The following ADGRL2 variants were observed in gnomAD, a reference collection of about 807,000 sequenced individuals.
ADGRL2 encodes calcium-independent alpha-latrotoxin receptor 2.
Under a neutral mutation model 157.4 loss-of-function variants are expected in ADGRL2, and 44 were observed. The observed-to-expected ratio is 0.28, with a 90% CI of 0.22 to 0.36. The LOEUF is 0.36. Among genes scored for constraint, ADGRL2 ranks in the 10% least tolerant of loss-of-function variants. The pLI is 1.00. For missense variants in ADGRL2, 1,510 were observed against 1,768.9 expected (o/e 0.85, Z 2.63); for synonymous variants, 585 against 624.7 (o/e 0.94, Z 0.95).
chr1:81,611,715 T>C (rs573895132), intron 3 of ADGRL2, among the ~76,000 whole-genome samples: 2 of 152,270 alleles, frequency 1.3e-5, no homozygotes, highest in African/African-American at 4.8e-5. Flanking sequence ...CCTGGGGGGC[T>C]TTAATAAAAC....
chr1:81,719,027 A>AT (rs2084209915), intron 1 of ADGRL2, among the ~76,000 whole-genome samples: 1 of 152,186 alleles, frequency 6.6e-6, no homozygotes, highest in South Asian at 2.1e-4. Context: ...AGGATTTCAG[A>AT]TTTTTTATTA....
chr1:81,568,739 A>G (rs1040323469), intron 2 of ADGRL2, among the ~76,000 whole-genome samples: 32 of 152,122 alleles, frequency 2.1e-4, no homozygotes, highest in African/African-American at 6.8e-4. Context: ...TATTTTTACC[A>G]AAAAAATGAT....
intron 1 of ADGRL2, among the ~76,000 whole-genome samples, chr1:81,808,719 C>G (rs1430164685): frequency 6.6e-6 from 1 of 152,094 alleles, no homozygotes; most frequent in Non-Finnish European, 1.5e-5. Context: ...ATTCTTACTA[C>G]TGATTCTAGA....
intron 1 of ADGRL2, among the ~76,000 whole-genome samples, chr1:81,359,305 AG>A (rs1204097410): frequency 2.0e-5 from 3 of 152,120 alleles, no homozygotes; most frequent in Non-Finnish European, 4.4e-5. Context: ...ATTCTGCTAC[AG>A]GGTCAACTGG....
At chr1:81,683,819 C>T (rs910243704) in intron 3 of ADGRL2, among the ~76,000 whole-genome samples, 2 of 148,580 alleles carry the variant, frequency 1.3e-5, no homozygotes, top group African/African-American at 4.9e-5. Flanking sequence ...ATAATGAGTT[C>T]TTTTTTTTTT....
At chr1:81,654,211 G>A (rs1385806073) in intron 3 of ADGRL2, among the ~76,000 whole-genome samples, 1 of 152,190 alleles carries the variant, frequency 6.6e-6, no homozygotes, top group Non-Finnish European at 1.5e-5. Flanking sequence ...CTCCCAACGT[G>A]TTAGAATTAC....
intron 2 of ADGRL2, among the ~76,000 whole-genome samples, chr1:81,556,034 T>C (rs1234691562): frequency 1.3e-5 from 2 of 151,896 alleles, no homozygotes; most frequent in Non-Finnish European, 2.9e-5. Context: ...AATATAAACT[T>C]ACCCCCAAAA....
upstream of ADGRL2, chr1:81,800,464 CG>C (rs1346667490): frequency 6.6e-6 from 1 of 151,898 alleles, no homozygotes; most frequent in Admixed American, 6.6e-5. Flanking sequence ...CTAAAAGTTT[CG>C]GGGCCTCTGG....
chr1:81,555,434 A>G (rs2080251320), intron 2 of ADGRL2, among the ~76,000 whole-genome samples: 1 of 151,840 alleles, frequency 6.6e-6, no homozygotes, highest in South Asian at 2.1e-4. Flanking sequence ...ATATCTGGCT[A>G]ATTTTTATAT....
chr1:81,835,483 T>C (rs1413702024), intron 1 of ADGRL2, among the ~76,000 whole-genome samples: 1 of 152,174 alleles, frequency 6.6e-6, no homozygotes, highest in Admixed American at 6.6e-5. Context: ...GGTTCACTTT[T>C]GGTTTTGGTT....
At chr1:81,309,041 A>G (rs1036124552) in intron 1 of ADGRL2, among the ~76,000 whole-genome samples, 1 of 152,150 alleles carries the variant, frequency 6.6e-6, no homozygotes, top group Non-Finnish European at 1.5e-5. Flanking sequence ...AAGATAAATT[A>G]TCATCTTAAA....
rs1166963133 is a variant in ADGRL2 at position 81,349,516 on chromosome 1, C to A, written c.-302+43007C>A. 2.0e-5 allele frequency among the ~76,000 whole-genome samples: 3 copies of A among 152,074 alleles called. No individual in the cohort carries two copies. In the South Asian group the frequency reaches 6.2e-4, roughly 32 times the overall value. Reference sequence around the variant, plus strand: ...GCAGGAATGTGGGATGGTATTGGTGCTCTGAATTTAGAACTCTTTAAAGAA... The same window carrying A: ...GCAGGAATGTGGGATGGTATTGGTGATCTGAATTTAGAACTCTTTAAAGAA... On this transcript the variant is annotated intron_variant, in intron 1 of 24. Coordinates refer to the ADGRL2 transcript ENST00000370721.
intron 1 of ADGRL2, among the ~76,000 whole-genome samples, chr1:81,396,859 C>T (rs796262084): frequency 5.9e-5 from 9 of 152,260 alleles, no homozygotes; most frequent in African/African-American, 1.9e-4. Flanking sequence ...TTTTCATGTG[C>T]TGCTGAATTT....
intron 1 of ADGRL2, among the ~76,000 whole-genome samples, chr1:81,335,913 T>A (rs1661610004): frequency 6.6e-6 from 1 of 152,024 alleles, no homozygotes; most frequent in Non-Finnish European, 1.5e-5. Context: ...ACCCTTGCAG[T>A]GCTTAGTGGA....
intron 3 of ADGRL2, among the ~76,000 whole-genome samples, chr1:81,682,834 A>G (rs1452461941): frequency 1.3e-5 from 2 of 152,160 alleles, no homozygotes; most frequent in Non-Finnish European, 2.9e-5. Flanking sequence ...AATGTTCGTG[A>G]AAAAGGGTTG....
intron 1 of ADGRL2, among the ~76,000 whole-genome samples, chr1:81,410,436 T>C (rs2076928035): frequency 6.6e-6 from 1 of 152,250 alleles, no homozygotes; most frequent in Non-Finnish European, 1.5e-5. Context: ...CCAATTGTCT[T>C]ACCTTTCCTC....
intron 3 of ADGRL2, among the ~76,000 whole-genome samples, chr1:81,652,730 T>G (rs1277308385): frequency 6.6e-6 from 1 of 152,180 alleles, no homozygotes; most frequent in Non-Finnish European, 1.5e-5. Flanking sequence ...TTAATGAATT[T>G]ATGATAGTAT....
At chr1:81,702,404 C>T (rs1323463198) in intron 1 of ADGRL2, among the ~76,000 whole-genome samples, 1 of 152,226 alleles carries the variant, frequency 6.6e-6, no homozygotes, top group African/African-American at 2.4e-5. Context: ...ACCACCTAAG[C>T]TTCCACTTCA....
chr1:81,369,091 T>C (rs956603565), intron 1 of ADGRL2, among the ~76,000 whole-genome samples: 1 of 148,476 alleles, frequency 6.7e-6, no homozygotes, highest in Non-Finnish European at 1.5e-5. Flanking sequence ...TGAAAAGGAA[T>C]AATAAGAGAA....
Sources: allele counts gnomAD v4.1 joint callset (sites outside exome capture counted in the v4.1 genomes callset), GRCh38; gene constraint gnomAD v4.1.1; transcripts MANE v1.5; gene names NCBI Gene and HGNC (gene_info 2026-07-23, HGNC 2026-07-21).